DTNB: variants seen among roughly 807,000 people sequenced by gnomAD.
DTNB encodes DTN-B.
A neutral mutation model predicts 90.7 loss-of-function variants in DTNB; 63 were observed. The observed-to-expected ratio is 0.69, with a 90% CI of 0.57 to 0.86. The LOEUF is 0.86. Ranked by LOEUF, DTNB falls within the 40% of genes least tolerant of loss-of-function variation. The pLI is 0.00. For missense variants in DTNB, 744 were observed against 807.1 expected (o/e 0.92, Z 0.95); for synonymous variants, 277 against 286.7 (o/e 0.97, Z 0.34).
chr2:25,424,236 C>T lies in DTNB; in HGVS notation c.1554+3299G>A, dbSNP rs1412917091. ...TCCTCCCAGTCTGAACAGCCTTAGC[C>T]TGTCAGACGGGTAAATGATATTTAA... is the stretch of plus-strand genomic sequence containing the variant. On this transcript the variant is annotated intron_variant, in intron 15 of 20. Coordinates refer to ENST00000406818, the MANE Select transcript of DTNB (RefSeq NM_021907.5). This position sits in a 1 kb window ranked among gnomAD's most constrained non-coding sequence, Gnocchi z 4.1. Among the ~76,000 whole-genome samples, 1 of 152,194 alleles carries T rather than the reference C, an allele frequency of 6.6e-6. No individual in the cohort carries two copies. Among genetic ancestry groups the T allele is most frequent in the Admixed American group, 6.5e-5 (1 of 15,282 alleles).
intron 4 of DTNB, among the ~76,000 whole-genome samples, chr2:25,617,255 G>A (rs2071005080): frequency 6.6e-6 from 1 of 152,198 alleles, no homozygotes; most frequent in Non-Finnish European, 1.5e-5. Flanking sequence ...AAGCACAGTG[G>A]AAGGAGTTTT....
chr2:25,488,740 C>T (rs935718992), intron 9 of DTNB, among the ~76,000 whole-genome samples: 1 of 152,208 alleles, frequency 6.6e-6, no homozygotes, highest in African/African-American at 2.4e-5. Flanking sequence ...GTAACCTCCA[C>T]CTCCCAGGTT....
chr2:25,406,344 C>T (rs2045160715), intron 16 of DTNB, among the ~76,000 whole-genome samples: 1 of 151,814 alleles, frequency 6.6e-6, no homozygotes, highest in African/African-American at 2.4e-5. Context: ...ACAGCCTGAC[C>T]AACATGGAGA....
At chr2:25,669,999 TA>T (rs1267902541) in intron 1 of DTNB, among the ~76,000 whole-genome samples, 1 of 152,180 alleles carries the variant, frequency 6.6e-6, no homozygotes, top group African/African-American at 2.4e-5. Context: ...CCCCATCAGT[TA>T]TGAAGTAAAA....
intron 10 of DTNB, among the ~76,000 whole-genome samples, chr2:25,476,142 C>T (rs909075834): frequency 9.3e-5 from 14 of 151,098 alleles, no homozygotes; most frequent in Non-Finnish European, 1.8e-4. Context: ...AATCTCGGCT[C>T]ACTGCAACCT....
chr2:25,429,985 C>T (rs2053320746), intron 14 of DTNB, among the ~76,000 whole-genome samples: 1 of 152,050 alleles, frequency 6.6e-6, no homozygotes, highest in African/African-American at 2.4e-5. Flanking sequence ...ATGTTTTGTC[C>T]TACACTCCAT....
At chr2:25,615,610 G>C (rs1046966448) in intron 4 of DTNB, among the ~76,000 whole-genome samples, 1 of 152,104 alleles carries the variant, frequency 6.6e-6, no homozygotes, top group Non-Finnish European at 1.5e-5. Context: ...GGGGTATCAG[G>C]AGCTCTGTCT....
At chr2:25,385,277 G>C (rs1429113570) in intron 18 of DTNB, among the ~76,000 whole-genome samples, 1 of 152,158 alleles carries the variant, frequency 6.6e-6, no homozygotes, top group African/African-American at 2.4e-5. Flanking sequence ...ACACTGTATA[G>C]AATATATGTA....
intron 16 of DTNB, among the ~76,000 whole-genome samples, chr2:25,391,177 T>C (rs2041005187): frequency 6.6e-6 from 1 of 152,162 alleles, no homozygotes; most frequent in African/African-American, 2.4e-5. Context: ...ATTACAGGTG[T>C]GAGCCACCGC....
At chr2:25,531,407 T>G in intron 9 of DTNB, 66 bp downstream of exon 9, 1 of 1,559,912 alleles carries the variant, frequency 6.4e-7, no homozygotes, top group Non-Finnish European at 8.7e-7. Flanking sequence ...CTGGTTTTGA[T>G]CCACAGGAAT....
intron 9 of DTNB, among the ~76,000 whole-genome samples, chr2:25,485,182 A>C (rs1169693894): frequency 6.6e-6 from 1 of 152,126 alleles, no homozygotes; most frequent in Admixed American, 6.5e-5. Context: ...TTTAATTTTT[A>C]ATAAATAATA....
rs114000027 is a variant in DTNB, at chr2:25,599,819, G to A, written c.449-3579C>T. On this transcript the variant is annotated intron_variant, in intron 5 of 20. Transcript: ENST00000406818. ...CTTTAAATAGCTGGCTGCTGGTCAG[G>A]CGTGGTGGCTCACACCTGTAATCCC... Among the ~76,000 whole-genome samples the A allele has an allele frequency of 5.5e-3, 840 of 152,284 alleles. 3 individuals are homozygous for A. The highest frequency in any genetic ancestry group is 9.2e-3 in the Non-Finnish European group (626 of 68,020).
chr2:25,634,264 C>T (rs1423356815), intron 3 of DTNB, among the ~76,000 whole-genome samples: 5 of 136,234 alleles, frequency 3.7e-5, no homozygotes, highest in African/African-American at 5.3e-5. Context: ...CCCGGCCAGC[C>T]GCCCCGTCCG....
rs764618654 is a variant in DTNB, at chr2:25,379,281, T to C, written c.*29+9A>G. On this transcript the variant is annotated intron_variant, in intron 20 of 20. Coordinates refer to ENST00000406818, the MANE Select transcript of DTNB (RefSeq NM_021907.5). ...GGCCGTGGGGAGGCAGAGGACTCTTTGTACTCACCTGAGCTTCCTCTGTGT... is the reference window on the plus strand; with the variant it reads ...GGCCGTGGGGAGGCAGAGGACTCTTCGTACTCACCTGAGCTTCCTCTGTGT... 3.0e-5 allele frequency: 40 copies of C among 1,331,248 alleles called. No homozygotes were observed. Among genetic ancestry groups the C allele is most frequent in the Admixed American group, 1.3e-4 (4 of 31,518 alleles). The allele number at this position is 1,331,248 out of a possible 1,614,324, so 82.5% of individuals were successfully genotyped here. A position where few individuals can be genotyped will look rare whatever the true frequency, so the allele number is the denominator to read the frequency against.
chr2:25,604,159 T>A (rs2148484379), intron 5 of DTNB, among the ~76,000 whole-genome samples: 1 of 152,124 alleles, frequency 6.6e-6, no homozygotes, highest in South Asian at 2.1e-4. Context: ...TTGCCAGTGA[T>A]AAAGGACATA....
At chr2:25,591,043 G>T (rs759266074) in intron 6 of DTNB, among the ~76,000 whole-genome samples, 1 of 152,230 alleles carries the variant, frequency 6.6e-6, no homozygotes, top group Non-Finnish European at 1.5e-5. Context: ...GTGCTGCCCC[G>T]AGCGTGTGCA....
At chr2:25,520,197 C>A (rs1325119310) in intron 9 of DTNB, among the ~76,000 whole-genome samples, 1 of 152,146 alleles carries the variant, frequency 6.6e-6, no homozygotes, top group Non-Finnish European at 1.5e-5. Context: ...GCCCGGACAA[C>A]ATGGTGAAAC....
intron 15 of DTNB, among the ~76,000 whole-genome samples, chr2:25,420,903 T>A: frequency 6.6e-6 from 1 of 152,202 alleles, no homozygotes; most frequent in East Asian, 1.9e-4. Context: ...AAGAGAACAC[T>A]TTCAAGTTTC....
chr2:25,622,919 G>C (rs1312826543), intron 4 of DTNB, among the ~76,000 whole-genome samples: 1 of 152,058 alleles, frequency 6.6e-6, no homozygotes, highest in Admixed American at 6.6e-5. Flanking sequence ...AAATATAATA[G>C]CTAAAGAAAT....
Sources: gnomAD v4.1 joint callset for allele counts (sites outside exome capture counted in the v4.1 genomes callset) on GRCh38, gnomAD v4.1.1 for gene constraint, Gnocchi (gnomAD v3.1) non-coding constraint, MANE v1.5 for transcripts, NCBI Gene and HGNC (gene_info 2026-07-23, HGNC 2026-07-21) for gene names.